The following UGT1A9 variants were observed in gnomAD, a reference collection of about 807,000 sequenced individuals.
The protein encoded by UGT1A9 is UDP-glucuronosyltransferase 1A9.
Under a neutral mutation model 45.0 loss-of-function variants are expected in UGT1A9, and 35 were observed. The observed-to-expected ratio is 0.78, with a 90% confidence interval of 0.59 to 1.03. The LOEUF (loss-of-function observed/expected upper bound fraction) is 1.03, where lower values mean the gene tolerates loss of function less well. Ranked by LOEUF, UGT1A9 falls within the 50% of genes least tolerant of loss-of-function variation. The pLI, the probability that UGT1A9 is intolerant of heterozygous loss-of-function variation, is 0.00. For synonymous variants in UGT1A9, 278 were observed against 250.6 expected (o/e 1.11, Z -1.03); for missense variants, 687 against 666.6 (o/e 1.03, Z -0.34).
chr2:233,720,775 C>T (rs1334644827), intron 1 of UGT1A9, among the ~76,000 whole-genome samples: 5 of 151,426 alleles, frequency 3.3e-5, no homozygotes, highest in African/African-American at 4.9e-5. Flanking sequence ...GCCGGATCTC[C>T]GCTCACTGCA....
chr2:233,672,904 C>G, intron 1 of UGT1A9, 115 bp downstream of exon 1: 1 of 1,508,064 alleles, frequency 6.6e-7, no homozygotes, highest in East Asian at 2.3e-5. Flanking sequence ...AATTTCTTTC[C>G]AGTTTAACAA....
In UGT1A9 at chr2:233,760,262, G is replaced by A. The variant is rs547805333; in HGVS notation, c.856-6772G>A. 2.2e-5 allele frequency: 35 copies of A among 1,611,676 alleles called. No individual in the cohort carries two copies. In the South Asian group the frequency reaches 3.4e-4, roughly 16 times the overall value. ...TATATATATATAAGTAGGAGAGGGC[G>A]AACCTCTGGCAGGAGCAAAGGCGCC... On this transcript the variant is annotated intron_variant, in intron 1 of 4. Transcript: ENST00000354728.
intron 1 of UGT1A9, among the ~76,000 whole-genome samples, chr2:233,720,460 C>T (rs1575532860): frequency 1.3e-5 from 2 of 152,110 alleles, no homozygotes; most frequent in East Asian, 3.9e-4. Flanking sequence ...GAAGCTGGGA[C>T]CAGTGATGAA....
At chr2:233,699,283 A>T (rs537298659) in intron 1 of UGT1A9, among the ~76,000 whole-genome samples, 2 of 152,194 alleles carry the variant, frequency 1.3e-5, no homozygotes, top group South Asian at 4.1e-4. Context: ...TCCAGGCCAG[A>T]TGCTGGGACA....
intron 1 of UGT1A9, among the ~76,000 whole-genome samples, chr2:233,678,032 C>T (rs2074406674): frequency 1.3e-5 from 2 of 152,118 alleles, no homozygotes; most frequent in South Asian, 4.1e-4. Flanking sequence ...ATGGATGCAG[C>T]TGGAGGTCAT....
Position 233,737,701 on chromosome 2 carries a change from G to A in UGT1A9, c.856-29333G>A, listed in dbSNP as rs28898624. On this transcript the variant is annotated intron_variant, in intron 1 of 4. Transcript: ENST00000354728. ...TTTGGCCATTGGTGCTGAAGCTTCC[G>A]TTCTCCTCTCCAACACCTCCTTTTT... 9.9e-3 allele frequency among the ~76,000 whole-genome samples: 1,506 copies of A among 152,128 alleles called. 21 individuals carry two copies. Among genetic ancestry groups the A allele is most frequent in the African/African-American group, 0.034 (1,429 of 41,486 alleles).
At position 233,729,937 on chromosome 2, in the gene UGT1A9, C is replaced by A; in HGVS notation, c.856-37097C>A. The A allele has an allele frequency of 3.1e-6, 5 of 1,614,026 alleles. No individual in the cohort carries two copies. The Admixed American group carries it at 8.3e-5, about 27-fold the overall frequency. On this transcript the variant is annotated intron_variant, in intron 1 of 4. Coordinates refer to ENST00000354728, the MANE Select transcript of UGT1A9 (RefSeq NM_021027.3). ...GATGGACTACCCCAGGCCAATCATG[C>A]CCAACATGGTCTTCATTGGGGGCAT... is the stretch of plus-strand genomic sequence containing the variant.
chr2:233,689,286 G>A (rs2074935092), intron 1 of UGT1A9, among the ~76,000 whole-genome samples: 1 of 152,072 alleles, frequency 6.6e-6, no homozygotes, highest in African/African-American at 2.4e-5. Flanking sequence ...CTAAACTGGG[G>A]TTCACTCACC....
At position 233,759,547 on chromosome 2, in the gene UGT1A9, A is replaced by G. The variant is rs1173613989; in HGVS notation, c.856-7487A>G. On this transcript the variant is annotated intron_variant, in intron 1 of 4. Transcript: ENST00000354728. ...GAAGACTTCTGTTCACATGCGCTCC[A>G]GTGAATTTCCCTTTCTGGTCATTCT... Among the ~76,000 whole-genome samples the G allele has an allele frequency of 8.5e-5, 13 of 152,244 alleles. No individual in the cohort carries two copies. The East Asian group carries it at 2.5e-3, about 29-fold the overall frequency.
chr2:233,729,424 T>C lies in UGT1A9; in HGVS notation c.856-37610T>C, dbSNP rs371703949. 59 of 1,613,782 alleles carry C rather than the reference T, an allele frequency of 3.7e-5. No homozygotes were observed. The highest frequency in any genetic ancestry group is 4.8e-5 in the Non-Finnish European group (57 of 1,179,838). ...CCATGTGCTGGGCCACACTCAACTGTACTTTGAAACAGAACATTTTCTGAA... is the reference window on the plus strand; with the variant it reads ...CCATGTGCTGGGCCACACTCAACTGCACTTTGAAACAGAACATTTTCTGAA... On this transcript the variant is annotated intron_variant, in intron 1 of 4. Coordinates refer to ENST00000354728, the MANE Select transcript of UGT1A9 (RefSeq NM_021027.3).
At chr2:233,714,903 G>C (rs139111844) in intron 1 of UGT1A9, among the ~76,000 whole-genome samples, 10 of 136,076 alleles carry the variant, frequency 7.3e-5, no homozygotes, top group African/African-American at 2.4e-4. Context: ...TTGAGATGGA[G>C]TCTTGCTCTG....
Position 233,767,697 on chromosome 2 carries a change from C to A in UGT1A9, c.988-152C>A, listed in dbSNP as rs558537555. Reference sequence around the variant, plus strand: ...CTCCAAAACAAGATGCCGGAAGTTGCCAGTCCTCAGAAGCCTTCACAGTTA... The same window carrying A: ...CTCCAAAACAAGATGCCGGAAGTTGACAGTCCTCAGAAGCCTTCACAGTTA... On this transcript the variant is annotated intron_variant, in intron 2 of 4. Coordinates refer to ENST00000354728, the MANE Select transcript of UGT1A9 (RefSeq NM_021027.3). 77 of 1,498,202 alleles carry A rather than the reference C, an allele frequency of 5.1e-5. 3 individuals carry two copies. The South Asian group carries it at 9.5e-4, about 18-fold the overall frequency. 92.8% of individuals were successfully genotyped at this position (1,498,202 alleles called of 1,614,324 possible). A position where few individuals can be genotyped will look rare whatever the true frequency, so the allele number is the denominator to read the frequency against.
chr2:233,718,603 T>G (rs2076667191), intron 1 of UGT1A9, among the ~76,000 whole-genome samples: 1 of 152,156 alleles, frequency 6.6e-6, no homozygotes, highest in Non-Finnish European at 1.5e-5. Flanking sequence ...TCAGATGAGC[T>G]TTTCAAGATA....
chr2:233,743,914 C>T lies in UGT1A9; in HGVS notation c.856-23120C>T, dbSNP rs201448352. On this transcript the variant is annotated intron_variant, in intron 1 of 4. Coordinates refer to ENST00000354728, the MANE Select transcript of UGT1A9 (RefSeq NM_021027.3). ...CGTCCAGCACCTCGTAGTAGTCCAC[C>T]ATGCTGGATGGCCAGAACGGCCCAC... is the stretch of plus-strand genomic sequence containing the variant. 797 of 1,364,624 alleles carry T rather than the reference C, an allele frequency of 5.8e-4. 20 individuals are homozygous for T. In the African/African-American group the frequency reaches 8.5e-3, roughly 15 times the overall value. The allele number at this position is 1,364,624 out of a possible 1,614,324, so 84.5% of individuals were successfully genotyped here.
intron 1 of UGT1A9, among the ~76,000 whole-genome samples, chr2:233,683,083 C>T (rs1021173198): frequency 2.0e-5 from 3 of 151,994 alleles, no homozygotes; most frequent in African/African-American, 4.8e-5. Context: ...TGAAACTTCC[C>T]TTTTTTTGCT....
chr2:233,672,860 A>T, intron 1 of UGT1A9, 71 bp downstream of exon 1: 1 of 1,528,356 alleles, frequency 6.5e-7, no homozygotes, highest in Non-Finnish European at 8.8e-7. Flanking sequence ...TCTTTACTGA[A>T]CTGTGATTTG....
chr2:233,710,385 C>T (rs894731418), intron 1 of UGT1A9, among the ~76,000 whole-genome samples: 3 of 152,278 alleles, frequency 2.0e-5, no homozygotes, highest in East Asian at 1.9e-4. Flanking sequence ...CTAACAGCAA[C>T]GCATTAGAGT....
At chr2:233,742,694 A>G (rs1343342305) in intron 1 of UGT1A9, 1 of 152,520 alleles carries the variant, frequency 6.6e-6, no homozygotes, top group Admixed American at 6.5e-5. Context: ...CAGAGGGAAC[A>G]TGCTTCCACC....
At chr2:233,721,562 G>T in intron 1 of UGT1A9, 1 of 161,272 alleles carries the variant, frequency 6.2e-6, no homozygotes, top group Non-Finnish European at 1.4e-5. Flanking sequence ...GTTTCTTCTG[G>T]GATATCTTTT....
Sources: allele counts gnomAD v4.1 joint callset (sites outside exome capture counted in the v4.1 genomes callset), GRCh38; gene constraint gnomAD v4.1.1; transcripts MANE v1.5; gene names NCBI Gene and HGNC (gene_info 2026-07-23, HGNC 2026-07-21).